The following ERC2 variants were observed in gnomAD, a reference collection of about 807,000 sequenced individuals.
ERC2 encodes ERC protein 2.
Under a neutral mutation model 114.8 loss-of-function variants are expected in ERC2, and 42 were observed. The observed-to-expected ratio is 0.37, with a 90% CI of 0.29 to 0.47. ERC2 has a LOEUF of 0.47. Among genes scored for constraint, ERC2 ranks in the 20% least tolerant of loss-of-function variants. The pLI is 0.99. For synonymous variants in ERC2, 454 were observed against 425.5 expected, an observed-to-expected ratio of 1.07 and a Z score of -0.82; for missense variants, 939 against 1,150.7, an observed-to-expected ratio of 0.82 and a Z score of 2.66.
intron 16 of ERC2, among the ~76,000 whole-genome samples, chr3:55,686,571 A>G (rs182926006): frequency 2.0e-5 from 3 of 152,326 alleles, no homozygotes; most frequent in Admixed American, 2.0e-4. Flanking sequence ...GCATCTCTGT[A>G]TGCAAATATT....
chr3:55,999,052 T>C (rs1028255696), intron 10 of ERC2, among the ~76,000 whole-genome samples: 1 of 152,106 alleles, frequency 6.6e-6, no homozygotes, highest in African/African-American at 2.4e-5. Context: ...GGTCTAAAGA[T>C]TTATTAAAAT....
At chr3:55,686,698 T>C (rs1429482830) in intron 16 of ERC2, among the ~76,000 whole-genome samples, 1 of 152,242 alleles carries the variant, frequency 6.6e-6, no homozygotes, top group African/African-American at 2.4e-5. Context: ...ATACTTGGCA[T>C]TTTAAAATGC....
At chr3:56,461,303 C>A (rs1402707286) in intron 1 of ERC2, among the ~76,000 whole-genome samples, 2 of 152,118 alleles carry the variant, frequency 1.3e-5, no homozygotes, top group African/African-American at 4.8e-5. Context: ...GCTGCAGAAA[C>A]CAAAAATCAC....
intron 7 of ERC2, among the ~76,000 whole-genome samples, chr3:56,042,487 A>T (rs1370421046): frequency 2.0e-5 from 3 of 152,286 alleles, no homozygotes; most frequent in African/African-American, 7.2e-5. Context: ...GGCTTGGCTC[A>T]TATACCTCCT....
intron 17 of ERC2, among the ~76,000 whole-genome samples, chr3:55,537,326 T>C (rs1414449484): frequency 6.6e-6 from 1 of 151,908 alleles, no homozygotes; most frequent in East Asian, 1.9e-4. Flanking sequence ...GACGATGGTT[T>C]CCCCCCCTGA....
intron 7 of ERC2, among the ~76,000 whole-genome samples, chr3:56,051,486 AAAG>A (rs1050615616): frequency 9.9e-5 from 15 of 152,158 alleles, no homozygotes; most frequent in African/African-American, 2.9e-4. Flanking sequence ...AAATGCCAAA[AAAG>A]AAGAAGTGAA....
At chr3:56,031,220 C>A (rs183488753) in intron 7 of ERC2, among the ~76,000 whole-genome samples, 75 of 152,326 alleles carry the variant, frequency 4.9e-4, no homozygotes, top group Non-Finnish European at 7.6e-4. Context: ...TGGTCTGCAC[C>A]CAGACAACAG....
chr3:56,390,383 C>G (rs1213286439), intron 2 of ERC2, among the ~76,000 whole-genome samples: 1 of 152,140 alleles, frequency 6.6e-6, no homozygotes, highest in East Asian at 1.9e-4. Flanking sequence ...ACTAAACTAA[C>G]ACTAGGTCAT....
intron 2 of ERC2, among the ~76,000 whole-genome samples, chr3:56,314,320 T>G (rs2056763858): frequency 6.6e-6 from 1 of 152,232 alleles, no homozygotes; most frequent in Non-Finnish European, 1.5e-5. Flanking sequence ...TAACACATCT[T>G]GCAGAAGCAT....
chr3:55,539,411 C>CTTTTTTTTTTTTTTTTTTTT (rs1559619170), intron 17 of ERC2, among the ~76,000 whole-genome samples: 3 of 49,064 alleles, frequency 6.1e-5, no homozygotes, highest in African/African-American at 1.2e-4. Flanking sequence ...CTCTTTTTTT[C>CTTTTTTTTTTTTTTTTTTTT]TTTCTTTTTT....
At chr3:56,061,908 C>T (rs889411527) in intron 7 of ERC2, among the ~76,000 whole-genome samples, 8 of 152,126 alleles carry the variant, frequency 5.3e-5, no homozygotes, top group Non-Finnish European at 8.8e-5. Flanking sequence ...GGAAAATTAG[C>T]TGATATACAC....
chr3:56,437,068 T>C (rs1176986884), intron 1 of ERC2, among the ~76,000 whole-genome samples: 3 of 152,240 alleles, frequency 2.0e-5, no homozygotes, highest in African/African-American at 7.2e-5. Context: ...CCCAATGTGA[T>C]GCTAGGTTCA....
chr3:56,189,501 T>A (rs2083850186), intron 3 of ERC2, among the ~76,000 whole-genome samples: 2 of 152,238 alleles, frequency 1.3e-5, no homozygotes, highest in African/African-American at 4.8e-5. Context: ...CTGGTCAGAA[T>A]TTGAACAGCT....
intron 17 of ERC2, among the ~76,000 whole-genome samples, chr3:55,588,459 G>A (rs958254523): frequency 5.9e-5 from 9 of 152,182 alleles, no homozygotes; most frequent in African/African-American, 1.9e-4. Context: ...CCGGTAAGCC[G>A]AAGGAATGTT....
chr3:56,261,053 C>T (rs2052887781), intron 3 of ERC2, among the ~76,000 whole-genome samples: 1 of 152,242 alleles, frequency 6.6e-6, no homozygotes, highest in Non-Finnish European at 1.5e-5. Context: ...TTGGACAGCA[C>T]AGCTCTAAAC....
intron 2 of ERC2, among the ~76,000 whole-genome samples, chr3:56,310,343 C>T (rs935561424): frequency 1.4e-4 from 21 of 152,284 alleles, no homozygotes; most frequent in African/African-American, 4.8e-4. Context: ...TATTATAGGA[C>T]GGCTCTTTCA....
intron 17 of ERC2, among the ~76,000 whole-genome samples, chr3:55,555,765 A>G (rs540860100): frequency 6.6e-6 from 1 of 152,228 alleles, no homozygotes; most frequent in South Asian, 2.1e-4. Flanking sequence ...GAAGCAGATT[A>G]ATCAGCAACC....
intron 6 of ERC2, among the ~76,000 whole-genome samples, chr3:56,129,032 A>C (rs2080050479): frequency 6.6e-6 from 1 of 152,252 alleles, no homozygotes; most frequent in Non-Finnish European, 1.5e-5. Context: ...CTCAAGGTAG[A>C]AATGCTTGCA....
At chr3:56,335,309 T>A (rs181849548) in intron 2 of ERC2, among the ~76,000 whole-genome samples, 2 of 152,342 alleles carry the variant, frequency 1.3e-5, no homozygotes, top group Non-Finnish European at 2.9e-5. Context: ...CTCAGGGTCC[T>A]ACCTTTCCTC....
Sources: allele counts gnomAD v4.1 joint callset (sites outside exome capture counted in the v4.1 genomes callset), GRCh38; gene constraint gnomAD v4.1.1; transcripts MANE v1.5; gene names NCBI Gene and HGNC (gene_info 2026-07-23, HGNC 2026-07-21).